LIPA: variants seen among roughly 807,000 people sequenced by gnomAD.
LIPA encodes the protein lipase A, lysosomal acid type.
Under a neutral mutation model 40.6 loss-of-function variants are expected in LIPA, and 26 were observed. The ratio of observed to expected loss-of-function variants is 0.64; its 90% confidence interval spans 0.47 to 0.89. LIPA has a LOEUF of 0.89. LIPA is among the 40% of genes least tolerant of loss of function. The probability of loss-of-function intolerance (pLI) is 0.00; values close to 1 mark genes in which losing one functional copy is unlikely to be tolerated. For missense variants in LIPA, 455 were observed against 479.6 expected (o/e 0.95, Z 0.48); for synonymous variants, 188 against 168.4 (o/e 1.12, Z -0.90).
At chr10:89,413,766 C>CAAA (rs376455922) in intron 1 of LIPA, among the ~76,000 whole-genome samples, 5 of 82,892 alleles carry the variant, frequency 6.0e-5, no homozygotes, top group South Asian at 3.2e-4. Flanking sequence ...GACCCTGTCT[C>CAAA]AAAAAAAAAA....
intron 3 of LIPA, among the ~76,000 whole-genome samples, chr10:89,239,187 T>C (rs1842938651): frequency 6.6e-6 from 1 of 152,166 alleles, no homozygotes; most frequent in South Asian, 2.1e-4. Flanking sequence ...ATGCAGGACA[T>C]CTAAGTCAGA....
chr10:89,274,485 G>A (rs189817354), intron 1 of LIPA, among the ~76,000 whole-genome samples: 3 of 152,300 alleles, frequency 2.0e-5, no homozygotes, highest in Admixed American at 2.0e-4. Flanking sequence ...AGGCAGCCCA[G>A]AAGTTAAAGA....
intron 2 of LIPA, among the ~76,000 whole-genome samples, chr10:89,380,403 G>A (rs1020736498): frequency 1.3e-5 from 2 of 151,816 alleles, no homozygotes; most frequent in African/African-American, 4.8e-5. Flanking sequence ...GGCATACAGG[G>A]ATTAGGTCAC....
intron 1 of LIPA, among the ~76,000 whole-genome samples, chr10:89,287,286 G>A (rs56164013): frequency 0.023 from 3,473 of 152,148 alleles, 158 homozygotes; most frequent in African/African-American, 0.078. Context: ...TACCCACTCT[G>A]CATTACCTTC....
intron 1 of LIPA, among the ~76,000 whole-genome samples, chr10:89,294,445 G>A (rs535845829): frequency 1.3e-4 from 20 of 152,340 alleles, no homozygotes; most frequent in Admixed American, 9.2e-4. Flanking sequence ...TAAATAGGGG[G>A]TGAGGGTGAG....
chr10:89,317,242 C>A (rs1376464062), intron 1 of LIPA, among the ~76,000 whole-genome samples: 2 of 152,192 alleles, frequency 1.3e-5, no homozygotes, highest in Non-Finnish European at 2.9e-5. Flanking sequence ...AAGAAGGCTG[C>A]AGACAATCGG....
intron 2 of LIPA, chr10:89,363,100 A>G: frequency 4.4e-6 from 1 of 225,420 alleles, no homozygotes; most frequent in East Asian, 1.1e-4. Flanking sequence ...AGAAGAGGCA[A>G]TATAGATAAA....
At chr10:89,320,126 A>G (rs1843563358) in intron 1 of LIPA, among the ~76,000 whole-genome samples, 1 of 152,222 alleles carries the variant, frequency 6.6e-6, no homozygotes. Context: ...GAATGGGCAA[A>G]AACTGGAAGT....
At chr10:89,339,480 C>G in intron 1 of LIPA, 1 of 1,614,056 alleles carries the variant, frequency 6.2e-7, no homozygotes, top group Non-Finnish European at 8.5e-7. Context: ...CAAACAATGG[C>G]TACCTCTATC....
chr10:89,222,471 G>C, intron 8 of LIPA, 40 bp downstream of exon 8: 1 of 1,285,346 alleles, frequency 7.8e-7, no homozygotes, highest in Non-Finnish European at 1.1e-6. Flanking sequence ...TTCTGATGTT[G>C]ATTTTACATG....
intron 2 of LIPA, among the ~76,000 whole-genome samples, chr10:89,400,879 T>C (rs1343680581): frequency 6.6e-6 from 1 of 152,180 alleles, no homozygotes; most frequent in African/African-American, 2.4e-5. Flanking sequence ...CCATTGAATA[T>C]GATACTAGCT....
chr10:89,288,004 T>A (rs561886791), intron 1 of LIPA, among the ~76,000 whole-genome samples: 1 of 152,194 alleles, frequency 6.6e-6, no homozygotes, highest in South Asian at 2.1e-4. Flanking sequence ...CAGCCTCTTT[T>A]CACTTTCACT....
intron 4 of LIPA, among the ~76,000 whole-genome samples, chr10:89,227,629 C>T (rs1842786745): frequency 6.6e-6 from 1 of 152,208 alleles, no homozygotes; most frequent in South Asian, 2.1e-4. Context: ...CATGTTGCCA[C>T]TGGCAGGAGA....
In LIPA at chr10:89,328,133, T is replaced by A. The variant is rs74830635; in HGVS notation, c.-2+14478A>T. ...TTGTTTTTGAGTGCAAATTGTAAGT[T>A]GAGTTTCTTACTGTGCAGGCACATT... On this transcript the variant is annotated intron_variant, in intron 1 of 5. Transcript: ENST00000282673. The A allele has an allele frequency of 3.8e-3, 5,989 of 1,566,384 alleles. 213 individuals carry two copies. The African/African-American group carries it at 0.07, about 18-fold the overall frequency.
chr10:89,336,562 A>G (rs1843744029), intron 1 of LIPA, among the ~76,000 whole-genome samples: 1 of 152,240 alleles, frequency 6.6e-6, no homozygotes, highest in African/African-American at 2.4e-5. Flanking sequence ...GTCCATGGTA[A>G]ATTGCAAATA....
chr10:89,273,676 A>G (rs1014061317), intron 1 of LIPA, among the ~76,000 whole-genome samples: 4 of 152,222 alleles, frequency 2.6e-5, no homozygotes, highest in African/African-American at 2.4e-5. Flanking sequence ...GTTTTAGCCG[A>G]TGTAAAGACA....
At position 89,214,724 on chromosome 10, in the gene LIPA, C is replaced by A. The variant is rs1194379303; in HGVS notation, c.*104G>T. ...TATCATTTTCTTGGATATAAAAAAA[C>A]AAAAGACCTGGGAAAGAAAAACAAG... On this transcript the variant is annotated 3_prime_UTR_variant, in exon 10 of 10. Coordinates refer to ENST00000336233, the MANE Select transcript of LIPA (RefSeq NM_000235.4). The A allele has an allele frequency of 1.1e-5, 8 of 749,054 alleles. No homozygotes were observed. Among genetic ancestry groups the A allele is most frequent in the South Asian group, 8.1e-5 (5 of 61,718 alleles). The allele number at this position is 749,054 out of a possible 1,614,324, so 46.4% of individuals were successfully genotyped here.
At position 89,359,638 on chromosome 10, in the gene LIPA, T is replaced by C. The variant is rs187544339; in HGVS notation, c.61+53153A>G. Among the ~76,000 whole-genome samples, 6 of 152,292 alleles carry C rather than the reference T, an allele frequency of 3.9e-5. No individual in the cohort carries two copies. The East Asian group carries it at 1.2e-3, about 29-fold the overall frequency. On this transcript the variant is annotated intron_variant, in intron 2 of 8. Coordinates refer to the LIPA transcript ENST00000371837. The stretch of plus-strand genomic sequence containing the variant: ...TGAAGCCCTCATCAAGCTGCTCCTA[T>C]TCGCAGAGGCTCAAGACCATGGCAA...
intron 2 of LIPA, among the ~76,000 whole-genome samples, chr10:89,409,951 A>G (rs1000589755): frequency 2.0e-5 from 3 of 152,240 alleles, no homozygotes; most frequent in Non-Finnish European, 4.4e-5. Flanking sequence ...AAGTCTGGGC[A>G]TTGGAAGAAA....
Sources: allele counts gnomAD v4.1 joint callset (sites outside exome capture counted in the v4.1 genomes callset), GRCh38; gene constraint gnomAD v4.1.1; transcripts MANE v1.5; gene names NCBI Gene and HGNC (gene_info 2026-07-23, HGNC 2026-07-21).